Variants in MOCOS observed in about 807,000 individuals in gnomAD.
MOCOS encodes molybdenum cofactor sulfurase.
MOCOS carries 86 observed loss-of-function variants against 83.6 expected under a neutral mutation model. The ratio of observed to expected loss-of-function variants is 1.03; its 90% confidence interval spans 0.86 to 1.23. The LOEUF (loss-of-function observed/expected upper bound fraction) is 1.23, where lower values mean the gene tolerates loss of function less well. Among genes scored for constraint, MOCOS ranks in the 50% most tolerant of loss-of-function variants. The pLI, the probability that MOCOS is intolerant of heterozygous loss-of-function variation, is 0.00. For synonymous variants in MOCOS, 445 were observed against 434.7 expected, an observed-to-expected ratio of 1.02 and a Z score of -0.29; for missense variants, 1,120 against 1,126.9, an observed-to-expected ratio of 0.99 and a Z score of 0.09.
At chr18:36,253,158 A>C (rs973001397) in intron 11 of MOCOS, among the ~76,000 whole-genome samples, 6 of 152,212 alleles carry the variant, frequency 3.9e-5, no homozygotes. Context: ...CCCATTGCCT[A>C]CCTGGGGTTT....
At chr18:36,233,237 A>G (rs1039086325) in intron 9 of MOCOS, among the ~76,000 whole-genome samples, 1 of 152,114 alleles carries the variant, frequency 6.6e-6, no homozygotes, top group African/African-American at 2.4e-5. Flanking sequence ...TTATATCCCC[A>G]TAGCTTAGTT....
rs193119403 is a variant in MOCOS, at chr18:36,208,512, C to T, written c.1218+3236C>T. 2.0e-4 allele frequency among the ~76,000 whole-genome samples: 30 copies of T among 152,104 alleles called. No homozygotes were observed. The East Asian group carries it at 4.8e-3, about 25-fold the overall frequency. On this transcript the variant is annotated intron_variant, in intron 6 of 14. Coordinates refer to ENST00000261326, the MANE Select transcript of MOCOS (RefSeq NM_017947.4). The stretch of plus-strand genomic sequence containing the variant: ...GTAATTCTCATTGTAGATATCCCCC[C>T]TGGTAAGGTGGATTCCTAGGTATTT...
intron 9 of MOCOS, among the ~76,000 whole-genome samples, chr18:36,221,829 G>A (rs917854290): frequency 2.6e-5 from 4 of 151,444 alleles, no homozygotes; most frequent in East Asian, 1.9e-4. Flanking sequence ...TGGGTTCAGC[G>A]ATTCTTGTGC....
intron 11 of MOCOS, among the ~76,000 whole-genome samples, chr18:36,254,024 C>A (rs1192780178): frequency 1.3e-5 from 2 of 151,976 alleles, no homozygotes; most frequent in African/African-American, 2.4e-5. Context: ...GGAGATGGGG[C>A]CTTGGTGGAA....
Position 36,270,119 on chromosome 18 carries a change from G to C in MOCOS, c.*1434G>C, listed in dbSNP as rs562954705. On this transcript the variant is annotated 3_prime_UTR_variant, in exon 15 of 15. Coordinates refer to ENST00000261326, the MANE Select transcript of MOCOS (RefSeq NM_017947.4). ...TCTGACTCTGGTTCCTGAGATCACC[G>C]AAAGAAGAGGCAAATGAAGTTAGGT... 1 of 152,258 alleles carries C rather than the reference G, an allele frequency of 6.6e-6. No individual in the cohort carries two copies. The highest frequency in any genetic ancestry group is 1.9e-4 in the East Asian group (1 of 5,186). The allele number at this position is 152,258 out of a possible 1,614,324, so 9.4% of individuals were successfully genotyped here.
chr18:36,216,087 G>A (rs1047542539), intron 8 of MOCOS, 110 bp downstream of exon 8: 4 of 1,200,682 alleles, frequency 3.3e-6, no homozygotes, highest in African/African-American at 3.0e-5. Flanking sequence ...TCAGAGTGTT[G>A]TGGTGAGAAA....
intron 14 of MOCOS, among the ~76,000 whole-genome samples, chr18:36,268,265 C>A (rs116318098): frequency 1.3e-5 from 2 of 152,134 alleles, no homozygotes. Context: ...AAGTTCAGGG[C>A]ATGTGGGACA....
intron 7 of MOCOS, 64 bp downstream of exon 7, chr18:36,213,546 T>C: frequency 7.3e-7 from 1 of 1,369,340 alleles, no homozygotes; most frequent in Non-Finnish European, 1.0e-6. Context: ...TGTTGCTGCC[T>C]GTGTGTCTGG....
chr18:36,267,194 G>A (rs557805393), intron 14 of MOCOS, among the ~76,000 whole-genome samples: 3 of 152,292 alleles, frequency 2.0e-5, no homozygotes, highest in Admixed American at 6.5e-5. Flanking sequence ...AATGTGAATA[G>A]AGTAGCTGCA....
intron 13 of MOCOS, among the ~76,000 whole-genome samples, chr18:36,260,539 G>A (rs1182287264): frequency 1.3e-5 from 2 of 152,164 alleles, no homozygotes; most frequent in African/African-American, 4.8e-5. Flanking sequence ...TGGAGCTTGT[G>A]GAGGGAGGCC....
At position 36,250,360 on chromosome 18, in the gene MOCOS, T is replaced by A. The variant is rs114308573; in HGVS notation, c.2040-799T>A. On this transcript the variant is annotated intron_variant, in intron 10 of 14. Coordinates refer to ENST00000261326, the MANE Select transcript of MOCOS (RefSeq NM_017947.4). The stretch of plus-strand genomic sequence containing the variant: ...ATATGCTGTCATGCAAGGCAGGAAA[T>A]GGTATGTTAAATGCTAAAGCTACAT... Among the ~76,000 whole-genome samples the A allele has an allele frequency of 2.4e-3, 366 of 152,244 alleles. 1 individual carries two copies. Among genetic ancestry groups the A allele is most frequent in the African/African-American group, 8.2e-3 (339 of 41,548 alleles).
At position 36,200,017 on chromosome 18, in the gene MOCOS, C is replaced by T. The variant is rs2091405849; in HGVS notation, c.634C>T (p.Pro212Ser). The T allele has an allele frequency of 6.2e-7, 1 of 1,614,172 alleles. No individual in the cohort carries two copies. Among genetic ancestry groups the T allele is most frequent in the Non-Finnish European group, 8.5e-7 (1 of 1,180,036 alleles). The change falls in exon 4 of 15, where the codon CCC becomes TCC. Residue 212 changes from proline (P) to serine (S), a missense_variant. Coordinates refer to ENST00000261326, the MANE Select transcript of MOCOS (RefSeq NM_017947.4). ...GAGTAACTTTTCTGGAGTCAGATAC[C>T]CCCTGTCCTGGATAGAAGAGGTCAA... is the stretch of plus-strand genomic sequence containing the variant. ...AQSNFSGVRYPLSWIEEVKSG... is the reference protein window; with the variant it reads ...AQSNFSGVRYSLSWIEEVKSG...
intron 9 of MOCOS, among the ~76,000 whole-genome samples, chr18:36,220,840 T>A (rs1598880390): frequency 6.6e-6 from 1 of 151,260 alleles, no homozygotes; most frequent in Non-Finnish European, 1.5e-5. Context: ...GAGGCAGGAG[T>A]ATCGCTTGAG....
chr18:36,247,004 C>T (rs901185245), intron 9 of MOCOS, among the ~76,000 whole-genome samples: 9 of 151,742 alleles, frequency 5.9e-5, no homozygotes, highest in Non-Finnish European at 1.3e-4. Context: ...GGTCTGAGAT[C>T]ATACTCTCCT....
At chr18:36,259,893 A>G in intron 12 of MOCOS, 144 bp from the exon 13 acceptor site, 2 of 1,172,200 alleles carry the variant, frequency 1.7e-6, no homozygotes, top group South Asian at 2.5e-5. Context: ...CACTCATGGT[A>G]AAAGTCTGTT....
intron 6 of MOCOS, among the ~76,000 whole-genome samples, chr18:36,208,790 C>A (rs2091443585): frequency 6.6e-6 from 1 of 152,202 alleles, no homozygotes; most frequent in African/African-American, 2.4e-5. Context: ...TTATTTGTTT[C>A]TCTTGCCTAA....
chr18:36,227,608 C>T (rs924995521), intron 9 of MOCOS, among the ~76,000 whole-genome samples: 1 of 151,986 alleles, frequency 6.6e-6, no homozygotes, highest in Non-Finnish European at 1.5e-5. Context: ...GTTGGCCAGG[C>T]TGGTCCTGAA....
At chr18:36,239,062 C>T (rs1488231058) in intron 9 of MOCOS, among the ~76,000 whole-genome samples, 2 of 150,452 alleles carry the variant, frequency 1.3e-5, no homozygotes, top group Non-Finnish European at 3.0e-5. Flanking sequence ...GAATACAGCA[C>T]ACTGATGGGT....
chr18:36,270,079 G>T lies in MOCOS; in HGVS notation c.*1394G>T, dbSNP rs2091694315. ...CACTCACGTGCTGTGAAGAGTTAAGGGTAAAAAGTACAACTCTGACTCTGG... is the reference window on the plus strand; with the variant it reads ...CACTCACGTGCTGTGAAGAGTTAAGTGTAAAAAGTACAACTCTGACTCTGG... On this transcript the variant is annotated 3_prime_UTR_variant, in exon 15 of 15. Transcript: ENST00000261326. The T allele has an allele frequency of 6.6e-6, 1 of 152,122 alleles. No individual in the cohort carries two copies. Among genetic ancestry groups the T allele is most frequent in the Non-Finnish European group, 1.5e-5 (1 of 68,058 alleles). 9.4% of individuals were successfully genotyped at this position (152,122 alleles called of 1,614,324 possible).
Sources: allele counts gnomAD v4.1 joint callset (sites outside exome capture counted in the v4.1 genomes callset), GRCh38; gene constraint gnomAD v4.1.1; transcripts MANE v1.5; gene names NCBI Gene and HGNC (gene_info 2026-07-23, HGNC 2026-07-21).